Variants in CLVS1 observed in about 807,000 individuals in gnomAD.
The protein encoded by CLVS1 is clavesin-1.
CLVS1 carries 10 observed loss-of-function variants against 33.1 expected under a neutral mutation model. That is an observed-to-expected ratio of 0.30 (90% CI 0.19 to 0.51). CLVS1 has a LOEUF of 0.51. Ranked by LOEUF, CLVS1 falls within the 20% of genes least tolerant of loss-of-function variation. CLVS1 has a pLI of 0.97. For synonymous variants in CLVS1, 163 were observed against 166.1 expected (o/e 0.98, Z 0.14); for missense variants, 343 against 433.4 (o/e 0.79, Z 1.85).
At chr8:61,131,038 T>C (rs912862552) in intron 1 of CLVS1, among the ~76,000 whole-genome samples, 1 of 152,242 alleles carries the variant, frequency 6.6e-6, no homozygotes, top group Non-Finnish European at 1.5e-5. Context: ...TATTTTTCTA[T>C]GTGCTCATCT....
chr8:61,202,302 G>T, intron 2 of CLVS1: 1 of 645,078 alleles, frequency 1.6e-6, no homozygotes, highest in Non-Finnish European at 2.8e-6. Flanking sequence ...AGCAGCATTC[G>T]TTTATCTTCG....
At chr8:60,977,620 C>G in the CLVS1 span, among the ~76,000 whole-genome samples, 2 of 152,060 alleles carry the variant, frequency 1.3e-5, no homozygotes, top group East Asian at 1.9e-4. Flanking sequence ...TTGAGACTAT[C>G]CAGTCTAAGG....
At chr8:61,286,449 C>T (rs1054331444), upstream of CLVS1, among the ~76,000 whole-genome samples, 19 of 152,208 alleles carry the variant, frequency 1.2e-4, no homozygotes, top group Non-Finnish European at 2.1e-4. Flanking sequence ...TTGCTGCAAC[C>T]ATTTCTCAAT....
At chr8:60,984,547 C>T in the CLVS1 span, among the ~76,000 whole-genome samples, 1 of 152,056 alleles carries the variant, frequency 6.6e-6, no homozygotes. Flanking sequence ...AGGCTGGTCT[C>T]GAACTCCTGA....
intron 3 of CLVS1, among the ~76,000 whole-genome samples, chr8:61,404,535 C>T (rs937522745): frequency 1.3e-5 from 2 of 152,056 alleles, no homozygotes; most frequent in Non-Finnish European, 2.9e-5. Context: ...TAAGAGCTAA[C>T]ATTGCTGGAA....
chr8:61,008,211 TC>T, the CLVS1 span, among the ~76,000 whole-genome samples: 1 of 147,648 alleles, frequency 6.8e-6, no homozygotes, highest in East Asian at 1.9e-4. Context: ...TTTGTTACAG[TC>T]CTCCACATTT....
the CLVS1 span, among the ~76,000 whole-genome samples, chr8:60,968,756 G>C: frequency 1.3e-5 from 2 of 151,784 alleles, no homozygotes; most frequent in African/African-American, 4.8e-5. Flanking sequence ...GAGTGTGGGG[G>C]CATGTGCCTG....
intron 5 of CLVS1, chr8:61,464,749 C>A (rs62526464): frequency 0.021 from 3,259 of 152,380 alleles, 40 homozygotes; most frequent in Non-Finnish European, 0.035. Flanking sequence ...ACAAGGATGT[C>A]CTGCCCACTG....
chr8:61,284,525 A>T (rs1487926689), upstream of CLVS1, among the ~76,000 whole-genome samples: 2 of 152,212 alleles, frequency 1.3e-5, no homozygotes. Context: ...ATACAAAAAG[A>T]TTGTGTACTT....
chr8:61,331,085 AAAG>A (rs1428300844), intron 2 of CLVS1, among the ~76,000 whole-genome samples: 2 of 152,174 alleles, frequency 1.3e-5, no homozygotes, highest in Non-Finnish European at 2.9e-5. Context: ...TGTCTCAAAA[AAAG>A]AAAAAGAAAA....
chr8:61,307,135 T>G (rs1403458358), intron 2 of CLVS1, among the ~76,000 whole-genome samples: 1 of 152,192 alleles, frequency 6.6e-6, no homozygotes, highest in Non-Finnish European at 1.5e-5. Context: ...GTAGACCAGC[T>G]ATGGTCCCCA....
At chr8:61,248,664 C>T (rs1331182591) in intron 2 of CLVS1, among the ~76,000 whole-genome samples, 2 of 150,712 alleles carry the variant, frequency 1.3e-5, no homozygotes, top group Admixed American at 1.3e-4. Flanking sequence ...ATATATATGA[C>T]AGTATGTACA....
intron 1 of CLVS1, among the ~76,000 whole-genome samples, chr8:61,291,157 T>C (rs992956194): frequency 6.6e-6 from 1 of 152,208 alleles, no homozygotes; most frequent in African/African-American, 2.4e-5. Context: ...ATGCCTCCCA[T>C]AGCCCTTTAT....
At chr8:61,466,485 G>C (rs1423953148) in intron 5 of CLVS1, among the ~76,000 whole-genome samples, 1 of 152,118 alleles carries the variant, frequency 6.6e-6, no homozygotes, top group African/African-American at 2.4e-5. Context: ...GCTTATTCAG[G>C]GGTGTAGGCC....
At chr8:61,287,607 G>T (rs1022533265), upstream of CLVS1, among the ~76,000 whole-genome samples, 1 of 151,868 alleles carries the variant, frequency 6.6e-6, no homozygotes, top group Non-Finnish European at 1.5e-5. Context: ...AAACATCTAT[G>T]TGTAATTTAT....
At chr8:61,398,535 A>G (rs1563535685) in intron 3 of CLVS1, among the ~76,000 whole-genome samples, 1 of 151,698 alleles carries the variant, frequency 6.6e-6, no homozygotes, top group African/African-American at 2.4e-5. Flanking sequence ...ATTGTTTTTG[A>G]TTTTTTATTT....
the CLVS1 span, among the ~76,000 whole-genome samples, chr8:61,046,144 C>A: frequency 0.015 from 2,213 of 145,190 alleles, 40 homozygotes; most frequent in Non-Finnish European, 0.02. Flanking sequence ...AGTCTTTAAT[C>A]CATCTTGAAT....
intron 2 of CLVS1, among the ~76,000 whole-genome samples, chr8:61,180,943 C>T (rs1208582380): frequency 6.6e-6 from 1 of 152,146 alleles, no homozygotes; most frequent in Non-Finnish European, 1.5e-5. Flanking sequence ...CAAGGATGTC[C>T]CCTCTCACCA....
At chr8:61,174,396 A>T (rs1807070758) in intron 2 of CLVS1, among the ~76,000 whole-genome samples, 1 of 152,062 alleles carries the variant, frequency 6.6e-6, no homozygotes. Flanking sequence ...AGATCATGTC[A>T]TTGTACTCCA....
Sources: allele counts gnomAD v4.1 joint callset (sites outside exome capture counted in the v4.1 genomes callset), GRCh38; gene constraint gnomAD v4.1.1; transcripts MANE v1.5; gene names NCBI Gene and HGNC (gene_info 2026-07-23, HGNC 2026-07-21).